The following PDZRN4 variants were observed in gnomAD, a reference collection of about 807,000 sequenced individuals.
The protein encoded by PDZRN4 is PDZ domain containing ring finger 4.
In PDZRN4, 70 loss-of-function variants were observed where a neutral mutation model predicts 99.0. That is an observed-to-expected ratio of 0.71 (90% CI 0.58 to 0.86). The LOEUF is 0.86. Ranked by LOEUF, PDZRN4 falls within the 40% of genes least tolerant of loss-of-function variation. The probability of loss-of-function intolerance (pLI) is 0.00; values close to 1 mark genes in which losing one functional copy is unlikely to be tolerated. For synonymous variants in PDZRN4, 551 were observed against 501.6 expected (o/e 1.10, Z -1.32); for missense variants, 1,474 against 1,331.2 (o/e 1.11, Z -1.67).
intron 3 of PDZRN4, among the ~76,000 whole-genome samples, chr12:41,329,246 C>T (rs1302931288): frequency 6.6e-6 from 1 of 152,106 alleles, no homozygotes; most frequent in African/African-American, 2.4e-5. Context: ...GTATTGCACA[C>T]ACCCATTCTC....
chr12:41,231,301 T>C (rs565291170), intron 3 of PDZRN4, among the ~76,000 whole-genome samples: 2 of 152,228 alleles, frequency 1.3e-5, no homozygotes, highest in South Asian at 2.1e-4. Context: ...AATATATGTA[T>C]GTTAACATGC....
chr12:41,543,594 T>C (rs1375996731), intron 5 of PDZRN4, among the ~76,000 whole-genome samples: 1 of 152,210 alleles, frequency 6.6e-6, no homozygotes, highest in African/African-American at 2.4e-5. Flanking sequence ...TAGATATAAC[T>C]TGTTGCAGGG....
At chr12:41,235,451 C>T (rs1009235086) in intron 3 of PDZRN4, among the ~76,000 whole-genome samples, 1 of 151,982 alleles carries the variant, frequency 6.6e-6, no homozygotes, top group African/African-American at 2.4e-5. Context: ...TTAACCAGGG[C>T]CACACATTCG....
chr12:41,376,537 A>G (rs1952082117), intron 3 of PDZRN4, among the ~76,000 whole-genome samples: 1 of 152,144 alleles, frequency 6.6e-6, no homozygotes, highest in African/African-American at 2.4e-5. Context: ...CTTTGGAAAA[A>G]TATCAGTTCA....
intron 3 of PDZRN4, among the ~76,000 whole-genome samples, chr12:41,483,350 A>G (rs1478413968): frequency 1.3e-5 from 2 of 152,192 alleles, no homozygotes; most frequent in Non-Finnish European, 2.9e-5. Context: ...GTGAAAAATA[A>G]TATATCTCTT....
chr12:41,365,249 T>C (rs896603686), intron 3 of PDZRN4, among the ~76,000 whole-genome samples: 4 of 152,144 alleles, frequency 2.6e-5, no homozygotes, highest in Admixed American at 6.6e-5. Flanking sequence ...CATAGTGATT[T>C]ATTGCTATGG....
chr12:41,194,082 A>G lies in PDZRN4; in HGVS notation c.737A>G (p.Asn246Ser), dbSNP rs910015353. 6 of 1,396,846 alleles carry G rather than the reference A, an allele frequency of 4.3e-6. No homozygotes were observed. The highest frequency in any genetic ancestry group is 6.0e-6 in the Non-Finnish European group (6 of 997,676). The allele number at this position is 1,396,846 out of a possible 1,614,324, so 86.5% of individuals were successfully genotyped here. Reference protein sequence around the residue: ...FNIIGGRPNQNNQEGTSTEGI... With the variant: ...FNIIGGRPNQSNQEGTSTEGI... ...CTGCTAATGATTTTTTAAAAATAGA[A>G]TAATCAGGAAGGAACATCGACTGAA... The change falls in exon 3 of 10, where the codon AAT (asparagine) becomes AGT (serine). Residue 246 changes from asparagine to serine, a missense_variant and splice_region_variant. Coordinates refer to ENST00000402685, the MANE Select transcript of PDZRN4 (RefSeq NM_001164595.2).
chr12:41,290,290 T>C (rs1271291688), intron 3 of PDZRN4, among the ~76,000 whole-genome samples: 2 of 152,226 alleles, frequency 1.3e-5, no homozygotes, highest in Non-Finnish European at 2.9e-5. Context: ...GGGAATTTTA[T>C]ACCTCATTGA....
chr12:41,352,094 A>T (rs10785245), intron 3 of PDZRN4, among the ~76,000 whole-genome samples: 3,974 of 151,954 alleles, frequency 0.026, 181 homozygotes, highest in African/African-American at 0.089. Flanking sequence ...AAAAGTGGGG[A>T]TGTATTGGAT....
chr12:41,226,333 T>C (rs1245221403), intron 3 of PDZRN4, among the ~76,000 whole-genome samples: 1 of 152,114 alleles, frequency 6.6e-6, no homozygotes, highest in East Asian at 1.9e-4. Context: ...CATCTTCTAA[T>C]GTACTGCATT....
At chr12:41,421,045 C>T (rs1354309871) in intron 3 of PDZRN4, among the ~76,000 whole-genome samples, 1 of 152,200 alleles carries the variant, frequency 6.6e-6, no homozygotes, top group African/African-American at 2.4e-5. Flanking sequence ...CCTCCTATCA[C>T]TTGCCAATCA....
At chr12:41,483,652 C>A (rs529785517) in intron 3 of PDZRN4, among the ~76,000 whole-genome samples, 1 of 152,148 alleles carries the variant, frequency 6.6e-6, no homozygotes, top group Non-Finnish European at 1.5e-5. Flanking sequence ...TAGACTAAAT[C>A]GACTGTATGA....
intron 3 of PDZRN4, among the ~76,000 whole-genome samples, chr12:41,470,853 C>T (rs1952982590): frequency 6.6e-6 from 1 of 152,166 alleles, no homozygotes; most frequent in African/African-American, 2.4e-5. Context: ...GTCCCTGGCT[C>T]AGGAGCACCC....
chr12:41,450,609 T>C (rs942253353), intron 3 of PDZRN4, among the ~76,000 whole-genome samples: 12 of 152,266 alleles, frequency 7.9e-5, no homozygotes, highest in African/African-American at 2.6e-4. Context: ...TACCTGAGGA[T>C]AAATTTACTC....
intron 3 of PDZRN4, among the ~76,000 whole-genome samples, chr12:41,261,274 T>G (rs1034567425): frequency 6.6e-6 from 1 of 152,144 alleles, no homozygotes; most frequent in Non-Finnish European, 1.5e-5. Flanking sequence ...ATGTAAACTG[T>G]AGTATTTAGT....
chr12:41,523,546 T>C (rs981954565), intron 5 of PDZRN4, among the ~76,000 whole-genome samples: 8 of 152,124 alleles, frequency 5.3e-5, no homozygotes, highest in Non-Finnish European at 7.4e-5. Flanking sequence ...AAGCACCTAG[T>C]TCGTATTAGA....
Position 41,334,402 on chromosome 12 carries a change from A to G in PDZRN4, c.843+140214A>G, listed in dbSNP as rs998901416. Reference sequence around the variant, plus strand: ...TTAATGAAAAGTTAAAAAAAAAAAAAAAAGAAAGAAAGAAGCCAAATTGAT... The same window carrying G: ...TTAATGAAAAGTTAAAAAAAAAAAAGAAAGAAAGAAAGAAGCCAAATTGAT... On this transcript the variant is annotated intron_variant, in intron 3 of 9. Transcript: ENST00000402685. Among the ~76,000 whole-genome samples, 199 of 151,010 alleles carry G rather than the reference A, an allele frequency of 1.3e-3. 1 individual carries two copies. Among genetic ancestry groups the G allele is most frequent in the African/African-American group, 4.7e-3 (193 of 41,480 alleles).
chr12:41,536,605 T>A (rs1938751981), intron 5 of PDZRN4, among the ~76,000 whole-genome samples: 1 of 152,176 alleles, frequency 6.6e-6, no homozygotes, highest in Non-Finnish European at 1.5e-5. Context: ...GTTAATGTAG[T>A]TTTATCAACT....
chr12:41,275,712 T>C (rs913545310), intron 3 of PDZRN4, among the ~76,000 whole-genome samples: 31 of 152,118 alleles, frequency 2.0e-4, no homozygotes, highest in African/African-American at 6.3e-4. Context: ...GCTATAGATA[T>C]ATAGTAAGTA....
Sources: allele counts gnomAD v4.1 joint callset (sites outside exome capture counted in the v4.1 genomes callset), GRCh38; gene constraint gnomAD v4.1.1; transcripts MANE v1.5; gene names NCBI Gene and HGNC (gene_info 2026-07-23, HGNC 2026-07-21).